The following RTF2 variants were observed in gnomAD, a reference collection of about 807,000 sequenced individuals.
RTF2 encodes UPF0549 protein C20orf43.
RTF2 carries 18 observed loss-of-function variants against 38.0 expected under a neutral mutation model. That is an observed-to-expected ratio of 0.47 (90% CI 0.33 to 0.70). The LOEUF (loss-of-function observed/expected upper bound fraction) is 0.70. Ranked by LOEUF, RTF2 falls within the 30% of genes least tolerant of loss-of-function variation. The probability of loss-of-function intolerance (pLI) is 0.02; values close to 1 mark genes in which losing one functional copy is unlikely to be tolerated. For missense variants in RTF2, 311 were observed against 379.6 expected (o/e 0.82, Z 1.50); for synonymous variants, 126 against 137.1 (o/e 0.92, Z 0.57).
chr20:56,474,700 A>G lies in RTF2; in HGVS notation c.187A>G (p.Ile63Val), dbSNP rs1483668208. Residue 63 changes from isoleucine to valine, a missense_variant, in exon 3 of 9, where the codon ATT becomes GTT. Ile to Val is a conservative substitution (Grantham distance 29, BLOSUM62 3). Coordinates refer to ENST00000357348, the MANE Select transcript of RTF2 (RefSeq NM_016407.5). ...LGRLYNKDAV[I>V]EFLLDKSAEK... ...CAGACTTTATAACAAAGATGCCGTC[A>G]TTGAATTTCTCTTGGACAAATCTGC... The G allele has an allele frequency of 1.2e-6, 2 of 1,610,172 alleles. No homozygotes were observed. Among genetic ancestry groups the G allele is most frequent in the Non-Finnish European group, 1.7e-6 (2 of 1,178,672 alleles).
chr20:56,516,013 C>G (rs1985023873), intron 6 of RTF2: 1 of 152,222 alleles, frequency 6.6e-6, no homozygotes, highest in African/African-American at 2.4e-5. Flanking sequence ...ACAGTTGTCT[C>G]TTATTTGTTT....
At chr20:56,496,901 T>C in intron 5 of RTF2, 1 of 1,551,754 alleles carries the variant, frequency 6.4e-7, no homozygotes, top group Non-Finnish European at 8.7e-7. Context: ...TGTGCAATGG[T>C]TGGATTACTC....
intron 5 of RTF2, among the ~76,000 whole-genome samples, chr20:56,486,634 G>A (rs1358946161): frequency 6.6e-6 from 1 of 152,200 alleles, no homozygotes; most frequent in Non-Finnish European, 1.5e-5. Flanking sequence ...GGGTGACAGA[G>A]TGAGACTCCA....
At chr20:56,484,735 T>C (rs760286389) in intron 5 of RTF2, among the ~76,000 whole-genome samples, 2 of 152,252 alleles carry the variant, frequency 1.3e-5, no homozygotes, top group Non-Finnish European at 2.9e-5. Flanking sequence ...ACATGAGAGC[T>C]AGCCTCAGCT....
In RTF2 at chr20:56,473,161, A is replaced by G. The variant is rs2146314144; in HGVS notation, c.70-140A>G. The stretch of plus-strand genomic sequence containing the variant: ...CAAACAAACAACAAACCAAAAACCC[A>G]ACTTCCTATGTCATTATCTTTGATT... On this transcript the variant is annotated intron_variant, in intron 1 of 8. Transcript: ENST00000357348. 6.5e-6 allele frequency: 4 copies of G among 615,584 alleles called. No individual in the cohort carries two copies. The East Asian group carries it at 1.2e-4, about 19-fold the overall frequency. 38.1% of individuals were successfully genotyped at this position (615,584 alleles called of 1,614,324 possible).
chr20:56,492,464 A>G (rs905954027), intron 5 of RTF2, among the ~76,000 whole-genome samples: 1 of 149,590 alleles, frequency 6.7e-6, no homozygotes, highest in East Asian at 2.1e-4. Flanking sequence ...TCACACCTGT[A>G]ATCCCAGCAC....
chr20:56,472,360 G>C, intron 1 of RTF2: 2 of 1,547,198 alleles, frequency 1.3e-6, no homozygotes, highest in Non-Finnish European at 8.7e-7. Context: ...GAGTGGTGCA[G>C]TCTACACAGT....
At chr20:56,517,056 A>G (rs1015339795) in intron 7 of RTF2, 50 bp from the exon 8 acceptor site, 1 of 1,610,064 alleles carries the variant, frequency 6.2e-7, no homozygotes, top group Non-Finnish European at 8.5e-7. Flanking sequence ...TAATATGTTC[A>G]TGCTTTGTTT....
chr20:56,500,764 T>G lies in RTF2; in HGVS notation c.478-12551T>G, dbSNP rs769836504. Among the ~76,000 whole-genome samples the G allele has an allele frequency of 4.6e-5, 7 of 152,298 alleles. No individual in the cohort carries two copies. In the Middle Eastern group the frequency reaches 0.014, roughly 296 times the overall value. Reference sequence around the variant, plus strand: ...AGTGGGAACCAAGGTCCCCAGCAGTTTAGTTTGTCATTGTTTCAACATAAA... The same window carrying G: ...AGTGGGAACCAAGGTCCCCAGCAGTGTAGTTTGTCATTGTTTCAACATAAA... On this transcript the variant is annotated intron_variant, in intron 5 of 8. Coordinates refer to ENST00000357348, the MANE Select transcript of RTF2 (RefSeq NM_016407.5).
intron 5 of RTF2, among the ~76,000 whole-genome samples, chr20:56,498,862 C>T (rs1220916465): frequency 6.6e-6 from 1 of 152,180 alleles, no homozygotes; most frequent in Non-Finnish European, 1.5e-5. Context: ...TATTTGAGCT[C>T]AGGTTGGACA....
chr20:56,492,199 C>T (rs1485999340), intron 5 of RTF2, among the ~76,000 whole-genome samples: 2 of 151,704 alleles, frequency 1.3e-5, no homozygotes, highest in Non-Finnish European at 2.9e-5. Context: ...GTCATTGCTT[C>T]TATATTTTTT....
At chr20:56,516,620 T>A in intron 6 of RTF2, 1 of 435,014 alleles carries the variant, frequency 2.3e-6, no homozygotes, top group Non-Finnish European at 4.1e-6. Context: ...ACCATCAACA[T>A]TGGCCCTTAT....
intron 1 of RTF2, chr20:56,470,663 C>G: frequency 2.2e-6 from 1 of 455,994 alleles, no homozygotes; most frequent in Non-Finnish European, 4.4e-6. Context: ...AGATTAGAAG[C>G]CTGGAACTTT....
intron 5 of RTF2, among the ~76,000 whole-genome samples, chr20:56,504,780 T>G (rs1054592207): frequency 6.6e-6 from 1 of 152,354 alleles, no homozygotes; most frequent in Admixed American, 6.5e-5. Context: ...CCAAGAGACA[T>G]AGATCACACA....
chr20:56,498,130 A>C (rs1983679420), intron 5 of RTF2, among the ~76,000 whole-genome samples: 2 of 152,248 alleles, frequency 1.3e-5, no homozygotes, highest in South Asian at 4.1e-4. Context: ...AAAAATCTCA[A>C]ATACTTACTT....
In RTF2 at chr20:56,513,295, C is replaced by T. The variant is rs1984809159; in HGVS notation, c.478-20C>T. ...ATTGACTGGTGATGGAATCTGCCCTCTCTTGTTTGCCCTCTCCAGTGTGGG... is the reference window on the plus strand; with the variant it reads ...ATTGACTGGTGATGGAATCTGCCCTTTCTTGTTTGCCCTCTCCAGTGTGGG... On this transcript the variant is annotated intron_variant, in intron 5 of 8. Transcript: ENST00000357348. 1.9e-6 allele frequency: 3 copies of T among 1,575,404 alleles called. No individual in the cohort carries two copies. The highest frequency in any genetic ancestry group is 1.3e-5 in the African/African-American group (1 of 74,344).
chr20:56,498,139 T>G (rs1328193613), intron 5 of RTF2, among the ~76,000 whole-genome samples: 1 of 152,252 alleles, frequency 6.6e-6, no homozygotes, highest in Non-Finnish European at 1.5e-5. Flanking sequence ...AAATACTTAC[T>G]TTGGACATAG....
chr20:56,507,568 C>T (rs1191303649), intron 5 of RTF2, among the ~76,000 whole-genome samples: 1 of 152,198 alleles, frequency 6.6e-6, no homozygotes, highest in Non-Finnish European at 1.5e-5. Flanking sequence ...CACAACACAA[C>T]ACAACTGTAT....
intron 3 of RTF2, among the ~76,000 whole-genome samples, chr20:56,475,354 C>CT (rs1480541902): frequency 6.6e-6 from 1 of 152,108 alleles, no homozygotes; most frequent in Non-Finnish European, 1.5e-5. Flanking sequence ...GGCCCCATGG[C>CT]TAGCGAAGTA....
Sources: allele counts gnomAD v4.1 joint callset (sites outside exome capture counted in the v4.1 genomes callset), GRCh38; gene constraint gnomAD v4.1.1; transcripts MANE v1.5; gene names NCBI Gene and HGNC (gene_info 2026-07-23, HGNC 2026-07-21).